Variants in DDX55 observed in about 807,000 individuals in gnomAD.
DDX55 encodes ATP-dependent RNA helicase DDX55.
Under a neutral mutation model 69.2 loss-of-function variants are expected in DDX55, and 56 were observed. The ratio of observed to expected loss-of-function variants is 0.81; its 90% CI spans 0.65 to 1.01. DDX55 has a LOEUF of 1.01. Ranked by LOEUF, DDX55 falls within the 50% of genes least tolerant of loss-of-function variation. The pLI is 0.00. For synonymous variants in DDX55, 268 were observed against 273.1 expected (o/e 0.98, Z 0.18); for missense variants, 720 against 745.1 (o/e 0.97, Z 0.39).
In DDX55 at chr12:123,620,596, AT is replaced by A. The variant is rs1955061130; in HGVS notation, c.*457del. The A allele has an allele frequency of 2.9e-5, 2 of 69,276 alleles. No homozygotes were observed. The highest frequency in any genetic ancestry group is 1.3e-4 in the Admixed American group (1 of 7,842). The allele number at this position is 69,276 out of a possible 1,614,324, so 4.3% of individuals were successfully genotyped here. ...ATGTACATATTATATATATATATATATATATATATATATATATATATATATA... is the reference window on the plus strand; with the variant it reads ...ATGTACATATTATATATATATATATAATATATATATATATATATATATATA... On this transcript the variant is annotated 3_prime_UTR_variant, in exon 14 of 14. Transcript: ENST00000238146.
At chr12:123,607,361 G>A (rs1593680324) in intron 3 of DDX55, 71 bp from the exon 4 acceptor site, 9 of 1,529,722 alleles carry the variant, frequency 5.9e-6, no homozygotes, top group South Asian at 1.2e-5. Flanking sequence ...GGTAGAGGGC[G>A]GAGGGCCTAT....
intron 6 of DDX55, among the ~76,000 whole-genome samples, chr12:123,609,622 C>G (rs936375955): frequency 2.0e-5 from 3 of 152,014 alleles, no homozygotes; most frequent in Non-Finnish European, 4.4e-5. Context: ...ATCTTCCCAT[C>G]CCAGTCTCCC....
At chr12:123,615,426 GCCTGGAACCCTCTTCCCT>G in intron 9 of DDX55, 110 bp downstream of exon 9, 1 of 1,449,612 alleles carries the variant, frequency 6.9e-7, no homozygotes, top group African/African-American at 1.4e-5. Flanking sequence ...TGTCTTTCCT[GCCTGGAACCCTCTTCCCT>G]CTCTAATCTG....
Position 123,610,021 on chromosome 12 carries a change from C to G in DDX55, c.634C>G (p.Leu212Val). ...SATQTQEVEN[L>V]VRAGLRNPVR... Reference sequence around the variant, plus strand: ...CACTCAGACGCAGGAAGTGGAGAACCTGGTGAGAGCGGGCCTCCGGAACCC... The same window carrying G: ...CACTCAGACGCAGGAAGTGGAGAACGTGGTGAGAGCGGGCCTCCGGAACCC... The change falls in exon 7 of 14, where the codon CTG (leucine) becomes GTG (valine). Residue 212 changes from leucine (L) to valine (V), a missense_variant. Transcript: ENST00000238146. 1 of 1,614,148 alleles carries G rather than the reference C, an allele frequency of 6.2e-7. No homozygotes were observed. Among genetic ancestry groups the G allele is most frequent in the Non-Finnish European group, 8.5e-7 (1 of 1,180,038 alleles).
intron 6 of DDX55, 26 bp from the exon 7 acceptor site, chr12:123,609,913 T>G: frequency 1.9e-6 from 3 of 1,603,876 alleles, no homozygotes; most frequent in Non-Finnish European, 2.6e-6. Context: ...AAGTGAGCGG[T>G]TAAGTGTGAG....
intron 5 of DDX55, chr12:123,608,348 G>A (rs963821265): frequency 4.7e-6 from 1 of 213,604 alleles, no homozygotes; most frequent in African/African-American, 2.2e-5. Flanking sequence ...CTCAACTGCT[G>A]TTGTAGTGTG....
intron 11 of DDX55, chr12:123,618,273 A>G: frequency 2.1e-6 from 1 of 472,142 alleles, no homozygotes; most frequent in Admixed American, 2.4e-5. Flanking sequence ...CGGCCTCCCA[A>G]AGTGCTGGGA....
intron 10 of DDX55, 117 bp downstream of exon 10, chr12:123,616,720 A>G (rs1954698324): frequency 1.7e-6 from 2 of 1,144,488 alleles, no homozygotes; most frequent in Non-Finnish European, 2.6e-6. Flanking sequence ...GCAAGCCTCC[A>G]GCGTGCTTGG....
rs116548124 is a variant in DDX55 at position 123,606,783 on chromosome 12, C to G, written c.246+624C>G. Reference sequence around the variant, plus strand: ...TTTTTTGTATTTTTTGACATGTTACCCAGGCTGGTCTTAAACTCCTGGGCT... The same window carrying G: ...TTTTTTGTATTTTTTGACATGTTACGCAGGCTGGTCTTAAACTCCTGGGCT... On this transcript the variant is annotated intron_variant, in intron 3 of 13. Coordinates refer to ENST00000238146, the MANE Select transcript of DDX55 (RefSeq NM_020936.3). Among the ~76,000 whole-genome samples the G allele has an allele frequency of 5.6e-3, 856 of 152,000 alleles. 7 individuals carry two copies. The highest frequency in any genetic ancestry group is 0.02 in the African/African-American group (819 of 41,460).
Position 123,613,277 on chromosome 12 carries a change from A to G in DDX55, c.824+25A>G, listed in dbSNP as rs3748268. Reference sequence around the variant, plus strand: ...GGTACTCCTCTGGTCTCTGTGGTAGAGGCATCAGGGATTCAGCCAGAATGT... The same window carrying G: ...GGTACTCCTCTGGTCTCTGTGGTAGGGGCATCAGGGATTCAGCCAGAATGT... On this transcript the variant is annotated intron_variant, in intron 8 of 13. Coordinates refer to ENST00000238146, the MANE Select transcript of DDX55 (RefSeq NM_020936.3). 0.19 allele frequency: 303,807 copies of G among 1,609,190 alleles called. 35,314 individuals carry two copies. The highest frequency in any genetic ancestry group is 0.57 in the African/African-American group (42,355 of 74,764).
chr12:123,614,064 C>G (rs1331306540), intron 8 of DDX55, among the ~76,000 whole-genome samples: 1 of 151,934 alleles, frequency 6.6e-6, no homozygotes, highest in East Asian at 1.9e-4. Flanking sequence ...GCAATATTGA[C>G]CATGACCCAC....
chr12:123,609,375 T>G (rs12809479), intron 6 of DDX55, among the ~76,000 whole-genome samples: 42,704 of 142,598 alleles, frequency 0.3, 6,544 homozygotes, highest in African/African-American at 0.38. Flanking sequence ...TTCAAGTTTT[T>G]TTTTTTTTTT....
At chr12:123,610,605 CTTTTTTTTTTTTT>C (rs35576014) in intron 7 of DDX55, among the ~76,000 whole-genome samples, 1 of 90,058 alleles carries the variant, frequency 1.1e-5, no homozygotes, top group Non-Finnish European at 2.2e-5. Flanking sequence ...TGCTGAGTTT[CTTTTTTTTTTTTT>C]TTTTTTTTTT....
chr12:123,619,065 C>T lies in DDX55; in HGVS notation c.1333+228C>T, dbSNP rs532523452. On this transcript the variant is annotated intron_variant, in intron 12 of 13. Coordinates refer to ENST00000238146, the MANE Select transcript of DDX55 (RefSeq NM_020936.3). ...TCACCCAGCCTGGAGCGCAGTGGCGCGATCTCGGCTCACTGTAAGCTCTGC... is the reference window on the plus strand; with the variant it reads ...TCACCCAGCCTGGAGCGCAGTGGCGTGATCTCGGCTCACTGTAAGCTCTGC... Among the ~76,000 whole-genome samples, 6 of 152,372 alleles carry T rather than the reference C, an allele frequency of 3.9e-5. No homozygotes were observed. The East Asian group carries it at 5.8e-4, about 15-fold the overall frequency.
At position 123,620,048 on chromosome 12, in the gene DDX55, G is replaced by A. The variant is rs751566159; in HGVS notation, c.1711G>A (p.Glu571Lys). 3 of 1,614,108 alleles carry A rather than the reference G, an allele frequency of 1.9e-6. No homozygotes were observed. In the South Asian group the frequency reaches 3.3e-5, roughly 18 times the overall value. Residue 571 changes from glutamate (E) to lysine (K), a missense_variant, in exon 14 of 14, where the codon GAA (glutamate) becomes AAA (lysine). Glu to Lys is a moderately conservative substitution (Grantham distance 56). Coordinates refer to ENST00000238146, the MANE Select transcript of DDX55 (RefSeq NM_020936.3). ...LKKLKKGKITEEEFEKGLLTT... is the reference protein window; with the variant it reads ...LKKLKKGKITKEEFEKGLLTT... ...AAAACTTAAGAAAGGCAAAATAACT[G>A]AAGAAGAATTTGAGAAGGGCTTGTT...
rs1330916394 is a variant in DDX55 at position 123,620,155 on chromosome 12, A to G, written c.*15A>G. The G allele has an allele frequency of 6.2e-7, 1 of 1,611,376 alleles. No homozygotes were observed. Among genetic ancestry groups the G allele is most frequent in the Non-Finnish European group, 8.5e-7 (1 of 1,178,492 alleles). On this transcript the variant is annotated 3_prime_UTR_variant, in exon 14 of 14. Transcript: ENST00000238146. ...ATGACTGCTGATTCCAGTGCCACAG[A>G]TGAACCCACAAGGACATAGCTGTTC...
chr12:123,620,046 CTG>C lies in DDX55; in HGVS notation c.1710_1711del (p.Glu571ArgfsTer4). The C allele has an allele frequency of 6.2e-7, 1 of 1,614,068 alleles. No individual in the cohort carries two copies. The highest frequency in any genetic ancestry group is 1.1e-5 in the South Asian group (1 of 91,076). On this transcript the variant is annotated frameshift_variant, in exon 14 of 14. Coordinates refer to ENST00000238146, the MANE Select transcript of DDX55 (RefSeq NM_020936.3). LOFTEE classifies it high-confidence loss of function. Reference sequence around the variant, plus strand: ...AAAAAACTTAAGAAAGGCAAAATAACTGAAGAAGAATTTGAGAAGGGCTTGTT... The same window carrying C: ...AAAAAACTTAAGAAAGGCAAAATAACAAGAAGAATTTGAGAAGGGCTTGTT...
Position 123,605,941 on chromosome 12 carries a change from T to G in DDX55, c.119T>G (p.Ile40Ser). Residue 40 changes from isoleucine (I) to serine (S), a missense_variant, in exon 2 of 14, where the codon ATC (isoleucine) becomes AGC (serine). Coordinates refer to ENST00000238146, the MANE Select transcript of DDX55 (RefSeq NM_020936.3). The part of the protein sequence containing the change: ...PYMTPVQSAT[I>S]PLFMRNKDVA... ...AATCTCTCTCTTTAGTCCGCAACCA[T>G]CCCTCTGTTCATGCGAAACAAAGAT... The G allele has an allele frequency of 6.2e-7, 1 of 1,614,138 alleles. No individual in the cohort carries two copies. Among genetic ancestry groups the G allele is most frequent in the South Asian group, 1.1e-5 (1 of 91,072 alleles).
chr12:123,617,850 A>G lies in DDX55; in HGVS notation c.1142A>G (p.Asn381Ser), dbSNP rs779281786. The G allele has an allele frequency of 1.2e-5, 20 of 1,613,996 alleles. No individual in the cohort carries two copies. The highest frequency in any genetic ancestry group is 1.6e-5 in the Non-Finnish European group (19 of 1,180,022). ...FLLPMEESYI[N>S]FLAINQKCPL... ...CTGCCCATGGAAGAGTCATACATCA[A>G]TTTCCTTGCAATTAACCAAAAAGTA... The change falls in exon 11 of 14, where the codon AAT (asparagine) becomes AGT (serine). Residue 381 changes from asparagine to serine, a missense_variant. Asn to Ser is a conservative substitution (Grantham distance 46, BLOSUM62 1). Transcript: ENST00000238146.
Sources: allele counts gnomAD v4.1 joint callset (sites outside exome capture counted in the v4.1 genomes callset), GRCh38; gene constraint gnomAD v4.1.1; transcripts MANE v1.5; gene names NCBI Gene and HGNC (gene_info 2026-07-23, HGNC 2026-07-21).